The following PTPRT variants were observed in gnomAD, a reference collection of about 807,000 sequenced individuals.
PTPRT encodes receptor-type tyrosine-protein phosphatase T.
A neutral mutation model predicts 176.8 loss-of-function variants in PTPRT; 56 were observed. The observed-to-expected ratio is 0.32, with a 90% CI of 0.26 to 0.40. The LOEUF is 0.40. Among genes scored for constraint, PTPRT ranks in the 10% least tolerant of loss-of-function variants. The pLI, the probability that PTPRT is intolerant of heterozygous loss-of-function variation, is 1.00. For missense variants in PTPRT, 1,540 were observed against 1,908.2 expected, an observed-to-expected ratio of 0.81 and a Z score of 3.60; for synonymous variants, 783 against 739.0, an observed-to-expected ratio of 1.06 and a Z score of -0.96.
intron 1 of PTPRT, among the ~76,000 whole-genome samples, chr20:43,180,369 C>CTCTCTCTCTCTCTCTCTCTCTCTT (rs1208040640): frequency 3.9e-4 from 59 of 151,352 alleles, no homozygotes; most frequent in Middle Eastern, 3.4e-3. Flanking sequence ...CTCTCTCTCT[C>CTCTCTCTCTCTCTCTCTCTCTCTT]TCTGCCCCCA....
chr20:42,403,932 C>A (rs569247479), intron 9 of PTPRT, among the ~76,000 whole-genome samples: 4 of 152,144 alleles, frequency 2.6e-5, no homozygotes, highest in Admixed American at 6.5e-5. Context: ...ACCTCCTCAC[C>A]CCTCTAGGCC....
At chr20:42,674,309 T>C (rs1396475944) in intron 7 of PTPRT, among the ~76,000 whole-genome samples, 2 of 152,196 alleles carry the variant, frequency 1.3e-5, no homozygotes, top group Admixed American at 6.5e-5. Flanking sequence ...AATACCACAA[T>C]TGCATTCCAA....
chr20:42,120,254 T>A (rs914867344), intron 19 of PTPRT, among the ~76,000 whole-genome samples: 2 of 152,162 alleles, frequency 1.3e-5, no homozygotes, highest in African/African-American at 2.4e-5. Flanking sequence ...GCATTGCTTA[T>A]CCTTATGCAC....
intron 15 of PTPRT, among the ~76,000 whole-genome samples, chr20:42,200,621 G>GAT (rs1991410503): frequency 6.6e-6 from 1 of 152,158 alleles, no homozygotes; most frequent in Admixed American, 6.5e-5. Flanking sequence ...ATAGGTCTCA[G>GAT]ATATATCATT....
At chr20:42,619,007 C>T (rs1242746890) in intron 7 of PTPRT, among the ~76,000 whole-genome samples, 2 of 151,406 alleles carry the variant, frequency 1.3e-5, no homozygotes, top group African/African-American at 2.4e-5. Context: ...TGATTTTGCT[C>T]GTAAGTTGAT....
intron 7 of PTPRT, among the ~76,000 whole-genome samples, chr20:42,651,904 T>TGGGCTTGGTGGTGTGTGCCTGCA (rs1373880033): frequency 6.6e-6 from 1 of 151,946 alleles, no homozygotes; most frequent in African/African-American, 2.4e-5. Flanking sequence ...AAAAATTAGC[T>TGGGCTTGGTGGTGTGTGCCTGCA]GGGCTTGGTG....
chr20:42,467,303 G>A (rs1296574711), intron 8 of PTPRT, among the ~76,000 whole-genome samples: 1 of 152,162 alleles, frequency 6.6e-6, no homozygotes, highest in African/African-American at 2.4e-5. Flanking sequence ...GAAAAAAGGT[G>A]CCACATTTAC....
intron 7 of PTPRT, among the ~76,000 whole-genome samples, chr20:42,587,173 T>G (rs1306393825): frequency 6.6e-6 from 1 of 152,214 alleles, no homozygotes; most frequent in African/African-American, 2.4e-5. Context: ...TGTGCCCCAG[T>G]GTTCTTCAGA....
chr20:42,599,098 G>T (rs1266879307), intron 7 of PTPRT, among the ~76,000 whole-genome samples: 1 of 152,178 alleles, frequency 6.6e-6, no homozygotes, highest in African/African-American at 2.4e-5. Flanking sequence ...GGTGGCAAGG[G>T]AGCAGCAGTG....
chr20:42,336,129 A>G (rs1449303170), intron 11 of PTPRT, among the ~76,000 whole-genome samples: 1 of 152,182 alleles, frequency 6.6e-6, no homozygotes, highest in Non-Finnish European at 1.5e-5. Flanking sequence ...TACATATTAT[A>G]TTATACTGTA....
At chr20:42,184,136 C>T (rs1379889152) in intron 16 of PTPRT, among the ~76,000 whole-genome samples, 1 of 152,156 alleles carries the variant, frequency 6.6e-6, no homozygotes, top group Non-Finnish European at 1.5e-5. Context: ...TCCAGCCATT[C>T]AAGTCATCCC....
intron 2 of PTPRT, among the ~76,000 whole-genome samples, chr20:42,793,925 C>A (rs1256236047): frequency 1.3e-5 from 2 of 152,176 alleles, no homozygotes; most frequent in Non-Finnish European, 2.9e-5. Context: ...AAGTGTCTCT[C>A]TCCTCTCTGA....
intron 12 of PTPRT, among the ~76,000 whole-genome samples, chr20:42,300,948 G>T (rs766920740): frequency 1.1e-4 from 16 of 151,016 alleles, no homozygotes; most frequent in Non-Finnish European, 2.2e-4. Context: ...TCACACTCTG[G>T]GGTCTGTTGT....
At chr20:42,854,081 G>A (rs920071943) in intron 2 of PTPRT, among the ~76,000 whole-genome samples, 4 of 152,108 alleles carry the variant, frequency 2.6e-5, no homozygotes, top group Admixed American at 2.0e-4. Context: ...TACCATTACG[G>A]CTCACAATAC....
intron 12 of PTPRT, among the ~76,000 whole-genome samples, chr20:42,310,314 C>T (rs2057607733): frequency 6.6e-6 from 1 of 151,800 alleles, no homozygotes; most frequent in Non-Finnish European, 1.5e-5. Flanking sequence ...AGAAATTATG[C>T]CATGTGAAAA....
chr20:42,613,633 G>A (rs2074012239), intron 7 of PTPRT, among the ~76,000 whole-genome samples: 1 of 152,194 alleles, frequency 6.6e-6, no homozygotes, highest in Admixed American at 6.5e-5. Context: ...CAGACCTGGA[G>A]GCTAAGATTA....
intron 2 of PTPRT, among the ~76,000 whole-genome samples, chr20:42,813,003 T>C (rs1030595442): frequency 6.6e-5 from 10 of 152,220 alleles, no homozygotes; most frequent in Non-Finnish European, 1.2e-4. Flanking sequence ...CATATTCAGT[T>C]GACTACTTTC....
chr20:42,650,921 A>T (rs561720481), intron 7 of PTPRT, among the ~76,000 whole-genome samples: 1 of 152,178 alleles, frequency 6.6e-6, no homozygotes, highest in African/African-American at 2.4e-5. Context: ...CCCCAGCAAT[A>T]CCTGAATTCT....
chr20:42,388,784 C>A (rs2058769606), intron 9 of PTPRT, among the ~76,000 whole-genome samples: 1 of 152,136 alleles, frequency 6.6e-6, no homozygotes, highest in Non-Finnish European at 1.5e-5. Context: ...GGTATATACC[C>A]AAAGGATTAT....
Sources: allele counts gnomAD v4.1 joint callset (sites outside exome capture counted in the v4.1 genomes callset), GRCh38; gene constraint gnomAD v4.1.1; transcripts MANE v1.5; gene names NCBI Gene and HGNC (gene_info 2026-07-23, HGNC 2026-07-21).